The following SFMBT2 variants were observed in gnomAD, a reference collection of about 807,000 sequenced individuals.
The protein encoded by SFMBT2 is Scm like with four mbt domains 2, also known as scm-like with four MBT domains protein 2.
In SFMBT2, 38 loss-of-function variants were observed where a neutral mutation model predicts 110.1. The observed-to-expected ratio is 0.35, with a 90% CI of 0.27 to 0.45. The LOEUF is 0.45. Ranked by LOEUF, SFMBT2 falls within the 20% of genes least tolerant of loss-of-function variation. The pLI is 1.00. For synonymous variants in SFMBT2, 425 were observed against 425.4 expected (o/e 1.00, Z 0.01); for missense variants, 1,011 against 1,094.9 (o/e 0.92, Z 1.08).
At chr10:7,297,080 T>C (rs1842426077) in intron 4 of SFMBT2, among the ~76,000 whole-genome samples, 1 of 152,226 alleles carries the variant, frequency 6.6e-6, no homozygotes, top group Non-Finnish European at 1.5e-5. Context: ...TCTACTTCTT[T>C]GGAGAATCCT....
intron 7 of SFMBT2, among the ~76,000 whole-genome samples, chr10:7,254,997 C>G (rs1426873889): frequency 6.6e-6 from 1 of 152,126 alleles, no homozygotes; most frequent in Non-Finnish European, 1.5e-5. Flanking sequence ...AGCGAATTTC[C>G]AAATAAGCCA....
At chr10:7,340,366 TCA>T (rs1033307841) in intron 4 of SFMBT2, among the ~76,000 whole-genome samples, 70 of 152,234 alleles carry the variant, frequency 4.6e-4, no homozygotes, top group African/African-American at 1.6e-3. Flanking sequence ...TATAAGTGAC[TCA>T]CACACTTCAA....
chr10:7,243,599 T>C lies in SFMBT2; in HGVS notation c.1079A>G (p.Gln360Arg), dbSNP rs754202219. Residue 360 changes from glutamine (Q) to arginine (R), a missense_variant, in exon 9 of 21, where the codon CAG (glutamine) becomes CGG (arginine). By Grantham distance (43) the Gln-to-Arg change is conservative. Around this residue, in one of 2 missense-constraint regions of SFMBT2, gnomAD observed 979 missense variants for 1,016.1 expected, o/e 0.96. Coordinates refer to ENST00000397167, the MANE Select transcript of SFMBT2 (RefSeq NM_001387889.1). ...GCTGACTCCATTTTTAAGGCACCAC[T>C]GTACTGGCAAAATCCCCAAAGAATC... ...HADSLGILPV[Q>R]WCLKNGVSLT... is the part of the protein sequence containing the mutation. 4 of 872,936 alleles carry C rather than the reference T, an allele frequency of 4.6e-6. No homozygotes were observed. The highest frequency in any genetic ancestry group is 3.4e-5 in the Admixed American group (2 of 59,188). 54.1% of individuals were successfully genotyped at this position (872,936 alleles called of 1,614,324 possible).
At position 7,381,815 on chromosome 10, in the gene SFMBT2, A is replaced by G. The variant is rs757757992; in HGVS notation, c.84T>C (p.Asn28=). 7 of 1,613,482 alleles carry G rather than the reference A, an allele frequency of 4.3e-6. No individual in the cohort carries two copies. In the East Asian group the frequency reaches 1.3e-4, roughly 31 times the overall value. ...AAATCCTACCAGAATCAAGGTCTCC[A>G]TTTCCATTAGCTGAGCCGAGACACT... ...LEKCLGSANG[N]GDLDSEEGSS... Residue 28 remains asparagine (N), a synonymous_variant, in exon 2 of 21, where the codon AAT becomes AAC. Coordinates refer to ENST00000397167, the MANE Select transcript of SFMBT2 (RefSeq NM_001387889.1).
intron 1 of SFMBT2, among the ~76,000 whole-genome samples, chr10:7,393,019 AT>A (rs1564473074): frequency 0.029 from 2,103 of 73,260 alleles, 99 homozygotes; most frequent in African/African-American, 0.13. Context: ...ATATATATAT[AT>A]ATATATATAT....
Position 7,172,550 on chromosome 10 carries a change from A to G in SFMBT2, c.2096T>C (p.Phe699Ser), listed in dbSNP as rs1473427608. 2 of 1,614,092 alleles carry G rather than the reference A, an allele frequency of 1.2e-6. No individual in the cohort carries two copies. Among genetic ancestry groups the G allele is most frequent in the African/African-American group, 2.7e-5 (2 of 74,944 alleles). ...AGAAGACCTCCGTTTCTTCTGCACG[A>G]AAATGGATTTCCGTCGCTTCCTCCG... ...ARRRKRRKSIFVQKKRRSSAV... is the reference protein window; with the variant it reads ...ARRRKRRKSISVQKKRRSSAV... Residue 699 changes from phenylalanine to serine, a missense_variant, in exon 18 of 21, where the codon TTC becomes TCC. By Grantham distance (155) the Phe-to-Ser change is radical. Coordinates refer to ENST00000397167, the MANE Select transcript of SFMBT2 (RefSeq NM_001387889.1). The surrounding 1 kb of genome is among the most constrained non-coding windows in gnomAD (Gnocchi z 4.6).
chr10:7,198,268 T>C (rs1188641371), intron 14 of SFMBT2: 6 of 428,102 alleles, frequency 1.4e-5, no homozygotes, highest in African/African-American at 2.1e-5. Context: ...TTTGACTCTA[T>C]TGAATTAATG....
At chr10:7,269,393 C>A (rs967194141) in intron 7 of SFMBT2, among the ~76,000 whole-genome samples, 1 of 152,100 alleles carries the variant, frequency 6.6e-6, no homozygotes, top group African/African-American at 2.4e-5. Flanking sequence ...GTGAACACAT[C>A]CCCCCAACGT....
At chr10:7,388,825 T>G (rs1845691786) in intron 1 of SFMBT2, among the ~76,000 whole-genome samples, 1 of 152,160 alleles carries the variant, frequency 6.6e-6, no homozygotes, top group African/African-American at 2.4e-5. Flanking sequence ...TGCGTGTCAC[T>G]CTGCAGATGG....
At chr10:7,187,438 AGAAAGAAG>A (rs1838451015) in intron 16 of SFMBT2, among the ~76,000 whole-genome samples, 1 of 152,270 alleles carries the variant, frequency 6.6e-6, no homozygotes. Context: ...ATATTTCTTG[AGAAAGAAG>A]GAAATGATGA....
chr10:7,290,053 A>T (rs946032032), intron 4 of SFMBT2, among the ~76,000 whole-genome samples: 1 of 152,216 alleles, frequency 6.6e-6, no homozygotes, highest in Non-Finnish European at 1.5e-5. Context: ...TTCAAATTGA[A>T]GGACCAATCC....
intron 12 of SFMBT2, chr10:7,204,513 C>A (rs553982462): frequency 1.2e-6 from 1 of 866,526 alleles, no homozygotes; most frequent in East Asian, 2.8e-4. Context: ...GAATAATAAA[C>A]GCAATGATTT....
chr10:7,202,408 C>T, intron 13 of SFMBT2, 72 bp downstream of exon 13: 8 of 1,589,244 alleles, frequency 5.0e-6, no homozygotes, highest in Non-Finnish European at 4.3e-6. Flanking sequence ...AACAGCCATG[C>T]TTCCCATCCT....
chr10:7,291,792 C>T (rs1842267754), intron 4 of SFMBT2, among the ~76,000 whole-genome samples: 1 of 152,130 alleles, frequency 6.6e-6, no homozygotes, highest in Admixed American at 6.5e-5. Flanking sequence ...AGAGATGAGG[C>T]AGAGGGATAA....
chr10:7,277,699 T>C (rs1398356766), intron 6 of SFMBT2, among the ~76,000 whole-genome samples: 2 of 152,176 alleles, frequency 1.3e-5, no homozygotes, highest in South Asian at 2.1e-4. Flanking sequence ...GAGAATTTTA[T>C]GGCCTGATCT....
Position 7,172,453 on chromosome 10 carries a change from T to C in SFMBT2, c.2151+42A>G, listed in dbSNP as rs766873985. On this transcript the variant is annotated intron_variant, in intron 18 of 20. Coordinates refer to ENST00000397167, the MANE Select transcript of SFMBT2 (RefSeq NM_001387889.1). The surrounding 1 kb of genome is among the most constrained non-coding windows in gnomAD (Gnocchi z 4.6). The stretch of plus-strand genomic sequence containing the variant: ...GCCACACTTGCCGGCCAGGGCCAGA[T>C]GACAGAGCTACAGGCTGGCAGGTGC... The C allele has an allele frequency of 1.2e-6, 2 of 1,612,034 alleles. No individual in the cohort carries two copies. The highest frequency in any genetic ancestry group is 1.7e-5 in the Admixed American group (1 of 59,968).
intron 15 of SFMBT2, among the ~76,000 whole-genome samples, chr10:7,193,700 T>C (rs1181782266): frequency 6.6e-6 from 1 of 152,200 alleles, no homozygotes; most frequent in East Asian, 1.9e-4. Context: ...TGCTTTCTCT[T>C]TCACACACAG....
At chr10:7,276,766 T>C (rs1841789320) in intron 7 of SFMBT2, 126 bp downstream of exon 7, 2 of 656,962 alleles carry the variant, frequency 3.0e-6, no homozygotes, top group Non-Finnish European at 5.5e-6. Context: ...GATGTCGTGA[T>C]CCGCCCACCT....
intron 12 of SFMBT2, 192 bp downstream of exon 12, chr10:7,205,623 T>G (rs767017454): frequency 1.5e-5 from 15 of 985,460 alleles, no homozygotes; most frequent in Non-Finnish European, 1.8e-5. Context: ...CTGTTAAAGT[T>G]TGTCAACCTG....
Sources: gnomAD v4.1 joint callset for allele counts (sites outside exome capture counted in the v4.1 genomes callset) on GRCh38, gnomAD v4.1.1 for gene constraint, gnomAD v4.1.1 regional missense constraint, Gnocchi (gnomAD v3.1) non-coding constraint, MANE v1.5 for transcripts, NCBI Gene and HGNC (gene_info 2026-07-23, HGNC 2026-07-21) for gene names.